SH2D3A: variants seen among roughly 807,000 people sequenced by gnomAD.
SH2D3A encodes the protein SH2 domain-containing protein 3A.
Under a neutral mutation model 50.6 loss-of-function variants are expected in SH2D3A, and 46 were observed. The observed-to-expected ratio is 0.91, with a 90% confidence interval of 0.72 to 1.16. The LOEUF is 1.16. Among genes scored for constraint, SH2D3A ranks in the 50% most tolerant of loss-of-function variants. SH2D3A has a pLI of 0.00. For synonymous variants in SH2D3A, 377 were observed against 348.4 expected, an observed-to-expected ratio of 1.08 and a Z score of -0.91; for missense variants, 783 against 786.2, an observed-to-expected ratio of 1.00 and a Z score of 0.05.
chr19:6,761,014 G>A lies in SH2D3A; in HGVS notation c.70-27C>T, dbSNP rs758408390. On this transcript the variant is annotated intron_variant, in intron 2 of 9. Coordinates refer to ENST00000245908, the MANE Select transcript of SH2D3A (RefSeq NM_005490.3). ...TGTGGATGAAGTTCAGGGGGCAGGGGAATTAGGAATGAGTCCAGGGCAGTG... is the reference window on the plus strand; with the variant it reads ...TGTGGATGAAGTTCAGGGGGCAGGGAAATTAGGAATGAGTCCAGGGCAGTG... The A allele has an allele frequency of 9.0e-6, 14 of 1,560,322 alleles. No individual in the cohort carries two copies. The African/African-American group carries it at 1.6e-4, about 18-fold the overall frequency.
rs1004611178 is a variant in SH2D3A at position 6,754,370 on chromosome 19, G to A, written c.1153C>T (p.Leu385=). The part of the protein sequence containing the change: ...ALAVLGCSGP[L]EERAAALRGL... ...CTCAGTGCGGCTGCGCGCTCCTCCA[G>A]CGGCCCCGAGCAGCCCAGCACCGCC... Residue 385 remains leucine (L), a synonymous_variant, in exon 7 of 10, where the codon CTG becomes TTG. Coordinates refer to ENST00000245908, the MANE Select transcript of SH2D3A (RefSeq NM_005490.3). 3.4e-5 allele frequency: 53 copies of A among 1,556,292 alleles called. No homozygotes were observed. Among genetic ancestry groups the A allele is most frequent in the Non-Finnish European group, 4.4e-5 (51 of 1,159,202 alleles).
chr19:6,754,586 C>T, intron 6 of SH2D3A, 30 bp downstream of exon 6: 2 of 1,613,462 alleles, frequency 1.2e-6, no homozygotes, highest in Non-Finnish European at 1.7e-6. Flanking sequence ...ATTGGCCTCC[C>T]CCAACCAAGA....
chr19:6,752,785 G>A, intron 9 of SH2D3A, 32 bp from the exon 10 acceptor site: 1 of 1,491,978 alleles, frequency 6.7e-7, no homozygotes, highest in African/African-American at 1.4e-5. Context: ...CTGGGGGCGG[G>A]GCCCAGGCGC....
At chr19:6,764,421 A>C (rs1396266908) in intron 1 of SH2D3A, 1 of 152,146 alleles carries the variant, frequency 6.6e-6, no homozygotes. Context: ...TCGAAGAAAA[A>C]AAAAATGGCT....
chr19:6,763,858 C>A, intron 1 of SH2D3A, 42 bp from the exon 2 acceptor site: 5 of 579,334 alleles, frequency 8.6e-6, no homozygotes, highest in Non-Finnish European at 1.2e-5. Context: ...GTGTCTGGGT[C>A]AGCTCCTTTC....
intron 6 of SH2D3A, 69 bp from the exon 7 acceptor site, chr19:6,754,494 G>A: frequency 1.9e-6 from 3 of 1,547,430 alleles, no homozygotes; most frequent in South Asian, 2.4e-5. Context: ...AGGGGGGACA[G>A]GAGGTGGCAT....
Position 6,752,650 on chromosome 19 carries a change from A to G in SH2D3A, c.1674T>C (p.Phe558=). ...CGCCGAGGACGCGCTGGAACTTCTC[A>G]AAGCGTTCAGCGCGCGGAGCTCCCG... ...RGAGAPRAER[F]EKFQRVLGVL... Residue 558 remains phenylalanine, a synonymous_variant, in exon 10 of 10, where the codon TTT becomes TTC. Transcript: ENST00000245908. 6.4e-7 allele frequency: 1 copy of G among 1,558,418 alleles called. No individual in the cohort carries two copies. Among genetic ancestry groups the G allele is most frequent in the South Asian group, 1.2e-5 (1 of 84,618 alleles).
chr19:6,752,923 G>A, intron 9 of SH2D3A, 170 bp from the exon 10 acceptor site: 1 of 985,338 alleles, frequency 1.0e-6, no homozygotes, highest in Non-Finnish European at 1.2e-6. Context: ...GGGGCTTCCA[G>A]CTCTCTGCAG....
chr19:6,759,294 G>C (rs531384358), intron 4 of SH2D3A: 34 of 283,854 alleles, frequency 1.2e-4, no homozygotes, highest in South Asian at 1.1e-3. Context: ...TGTGTTTTTA[G>C]TGGAGATGGG....
Position 6,763,794 on chromosome 19 carries a change from C to A in SH2D3A, c.-46G>T. 6.6e-7 allele frequency: 1 copy of A among 1,506,054 alleles called. No homozygotes were observed. The highest frequency in any genetic ancestry group is 1.8e-5 in the Admixed American group (1 of 56,346). 93.3% of individuals were successfully genotyped at this position (1,506,054 alleles called of 1,614,324 possible). ...GTGCCAGGGCTGAGCTCTGCACTTT[C>A]AACAGGCCTCAGTCTTCCACATCTG... is the stretch of plus-strand genomic sequence containing the variant. On this transcript the variant is annotated 5_prime_UTR_variant, in exon 2 of 10. It removes the in-frame stop codon of an upstream open reading frame in the 5' UTR. Transcript: ENST00000245908.
rs10404295 is a variant in SH2D3A, at chr19:6,755,109, C to T, written c.703G>A (p.Val235Met). 967 of 1,614,004 alleles carry T rather than the reference C, an allele frequency of 6.0e-4. 6 individuals are homozygous for T. The African/African-American group carries it at 0.011, about 18-fold the overall frequency. Residue 235 changes from valine to methionine, a missense_variant, in exon 5 of 10, where the codon GTG becomes ATG. By Grantham distance (21) the Val-to-Met change is conservative (BLOSUM62 1). Coordinates refer to ENST00000245908, the MANE Select transcript of SH2D3A (RefSeq NM_005490.3). ...SERPPTYCEL[V>M]PRVPSVQGTS... ...CCCTGGACACTGGGCACTCGGGGCA[C>T]CAGCTCGCAGTACGTCGGGGGACGT...
intron 4 of SH2D3A, among the ~76,000 whole-genome samples, chr19:6,756,904 C>T (rs1969714067): frequency 6.6e-6 from 1 of 152,088 alleles, no homozygotes; most frequent in African/African-American, 2.4e-5. Flanking sequence ...CGGAGTCTCA[C>T]TCTGTCACCA....
intron 2 of SH2D3A, among the ~76,000 whole-genome samples, chr19:6,762,013 G>A (rs1417002562): frequency 2.0e-5 from 3 of 151,126 alleles, no homozygotes; most frequent in African/African-American, 7.3e-5. Context: ...AGAAGGGCCA[G>A]GACCCCAGAG....
chr19:6,765,250 T>C (rs1420252002), intron 1 of SH2D3A, among the ~76,000 whole-genome samples: 1 of 151,968 alleles, frequency 6.6e-6, no homozygotes, highest in African/African-American at 2.4e-5. Context: ...TGGGTGAACA[T>C]TTTTGATCAT....
chr19:6,764,872 ATT>A (rs55670461), intron 1 of SH2D3A, among the ~76,000 whole-genome samples: 22 of 103,106 alleles, frequency 2.1e-4, no homozygotes, highest in Non-Finnish European at 2.3e-4. Context: ...TACCTGGCTA[ATT>A]TTTTTTTTTT....
At chr19:6,764,881 T>G (rs967922144) in intron 1 of SH2D3A, among the ~76,000 whole-genome samples, 25 of 145,918 alleles carry the variant, frequency 1.7e-4, no homozygotes, top group Non-Finnish European at 3.8e-4. Context: ...AATTTTTTTT[T>G]TTTTTTTTTT....
At chr19:6,755,652 C>T (rs368702434) in intron 4 of SH2D3A, among the ~76,000 whole-genome samples, 4 of 151,568 alleles carry the variant, frequency 2.6e-5, no homozygotes, top group East Asian at 2.0e-4. Flanking sequence ...GCCTCCCAAA[C>T]TGCTGGGATC....
At chr19:6,759,921 C>G (rs936894124) in intron 3 of SH2D3A, among the ~76,000 whole-genome samples, 1 of 152,124 alleles carries the variant, frequency 6.6e-6, no homozygotes, top group African/African-American at 2.4e-5. Context: ...CCTCCTCCCC[C>G]ACAACTAAGA....
At chr19:6,762,696 T>G (rs10414351) in intron 2 of SH2D3A, among the ~76,000 whole-genome samples, 9,600 of 147,806 alleles carry the variant, frequency 0.065, 922 homozygotes, top group African/African-American at 0.22. Flanking sequence ...TTTTTTTTTT[T>G]TGTGTAGAGA....
Sources: allele counts gnomAD v4.1 joint callset (sites outside exome capture counted in the v4.1 genomes callset), GRCh38; gene constraint gnomAD v4.1.1; transcripts MANE v1.5; gene names NCBI Gene and HGNC (gene_info 2026-07-23, HGNC 2026-07-21).